The following REDIC1 variants were observed in gnomAD, a reference collection of about 807,000 sequenced individuals.
REDIC1 encodes regulator of DNA class I crossover intermediates 1.
the REDIC1 span, among the ~76,000 whole-genome samples, chr12:39,846,956 C>T: frequency 6.6e-6 from 1 of 152,268 alleles, no homozygotes; most frequent in East Asian, 1.9e-4. Flanking sequence ...TCAGATCACT[C>T]ATTTTGAACA....
the REDIC1 span, among the ~76,000 whole-genome samples, chr12:39,737,128 C>T: frequency 1.3e-5 from 2 of 152,222 alleles, no homozygotes; most frequent in East Asian, 3.9e-4. Context: ...CCAAATAATG[C>T]TTTTTTCCAC....
chr12:39,830,495 G>A, the REDIC1 span: 9 of 1,161,432 alleles, frequency 7.7e-6, no homozygotes, highest in Non-Finnish European at 9.6e-6. Flanking sequence ...ATGTAGAAGA[G>A]TCCCCATCAA....
chr12:39,758,924 AT>A, the REDIC1 span: 2 of 152,208 alleles, frequency 1.3e-5, no homozygotes, highest in Non-Finnish European at 1.5e-5. Flanking sequence ...GGAAGAGCTA[AT>A]AAAAAGTTAA....
chr12:39,865,294 AATTCTTCTAATGACATTCAATC>A, the REDIC1 span, among the ~76,000 whole-genome samples: 1 of 152,210 alleles, frequency 6.6e-6, no homozygotes. Flanking sequence ...GTGCCAAGAA[AATTCTTCTAATGACATTCAATC>A]ATGTAAGACT....
chr12:39,683,347 C>A, the REDIC1 span: 3 of 1,238,514 alleles, frequency 2.4e-6, no homozygotes, highest in South Asian at 1.3e-5. Context: ...TGTGAATATG[C>A]TTTGAATTAA....
At chr12:39,751,967 G>T in the REDIC1 span, among the ~76,000 whole-genome samples, 6 of 152,190 alleles carry the variant, frequency 3.9e-5, no homozygotes, top group South Asian at 2.1e-4. Context: ...TGAGTTAATG[G>T]GTGCAGCACA....
chr12:39,679,692 T>A, the REDIC1 span, among the ~76,000 whole-genome samples: 1 of 152,122 alleles, frequency 6.6e-6, no homozygotes, highest in African/African-American at 2.4e-5. Context: ...AAAGGAAGAC[T>A]AAGCAAAAAG....
At chr12:39,724,012 C>G in the REDIC1 span, among the ~76,000 whole-genome samples, 2 of 152,066 alleles carry the variant, frequency 1.3e-5, no homozygotes, top group African/African-American at 4.8e-5. Context: ...TCATACATAC[C>G]AGCCTGACTT....
the REDIC1 span, among the ~76,000 whole-genome samples, chr12:39,703,914 C>G: frequency 2.6e-5 from 4 of 152,100 alleles, no homozygotes; most frequent in African/African-American, 9.7e-5. Context: ...ACACCTCATA[C>G]AAAAATCAAT....
chr12:39,637,955 G>A, the REDIC1 span, among the ~76,000 whole-genome samples: 1 of 151,828 alleles, frequency 6.6e-6, no homozygotes, highest in Non-Finnish European at 1.5e-5. Context: ...TCATTTTATT[G>A]TAGCAGTGTA....
the REDIC1 span, among the ~76,000 whole-genome samples, chr12:39,713,654 T>G: frequency 6.8e-6 from 1 of 146,070 alleles, no homozygotes; most frequent in Admixed American, 6.9e-5. Flanking sequence ...TATACCTGTA[T>G]ACATGCGTAT....
chr12:39,729,794 A>G, the REDIC1 span, among the ~76,000 whole-genome samples: 1 of 152,162 alleles, frequency 6.6e-6, no homozygotes, highest in Non-Finnish European at 1.5e-5. Flanking sequence ...GTGGGAGTAT[A>G]AGTCTCTTTG....
chr12:39,786,359 T>C, the REDIC1 span, among the ~76,000 whole-genome samples: 1 of 152,232 alleles, frequency 6.6e-6, no homozygotes. Context: ...GTAAGAAGTG[T>C]CTTTCATCTC....
At chr12:39,891,575 G>T in the REDIC1 span, among the ~76,000 whole-genome samples, 121 of 152,150 alleles carry the variant, frequency 8.0e-4, no homozygotes, top group Middle Eastern at 3.4e-3. Flanking sequence ...TCCTGAGTTC[G>T]ACAGTGAAGA....
At chr12:39,894,232 A>T in the REDIC1 span, among the ~76,000 whole-genome samples, 53 of 152,232 alleles carry the variant, frequency 3.5e-4, no homozygotes, top group Non-Finnish European at 1.3e-4. Context: ...TTAGTAAGTA[A>T]CATGACTATC....
the REDIC1 span, among the ~76,000 whole-genome samples, chr12:39,704,402 C>T: frequency 6.6e-6 from 1 of 151,950 alleles, no homozygotes; most frequent in Non-Finnish European, 1.5e-5. Flanking sequence ...GAATGGCAAT[C>T]ATTAAAAAGT....
At chr12:39,764,127 GTTTT>G in the REDIC1 span, among the ~76,000 whole-genome samples, 2 of 151,132 alleles carry the variant, frequency 1.3e-5, no homozygotes, top group African/African-American at 4.8e-5. Flanking sequence ...ACCATTTTCT[GTTTT>G]TTTTTTTTGT....
the REDIC1 span, among the ~76,000 whole-genome samples, chr12:39,813,041 CA>C: frequency 2.4e-5 from 2 of 82,014 alleles, no homozygotes; most frequent in Non-Finnish European, 4.5e-5. Flanking sequence ...GATGGGGTTT[CA>C]CCATGTTGGC....
chr12:39,642,010 G>A, the REDIC1 span, among the ~76,000 whole-genome samples: 1 of 151,666 alleles, frequency 6.6e-6, no homozygotes, highest in East Asian at 1.9e-4. Flanking sequence ...TCTTTCTTTG[G>A]TACATTCTCC....
Sources: gnomAD v4.1 joint callset for allele counts (sites outside exome capture counted in the v4.1 genomes callset) on GRCh38, gnomAD v4.1.1 for gene constraint, MANE v1.5 for transcripts, NCBI Gene and HGNC (gene_info 2026-07-23, HGNC 2026-07-21) for gene names.